ZFAND3: variants seen among roughly 807,000 people sequenced by gnomAD.
ZFAND3 encodes the protein zinc finger AN1-type containing 3, also known as AN1-type zinc finger protein 3.
In ZFAND3, 10 loss-of-function variants were observed where a neutral mutation model predicts 29.6. The ratio of observed to expected loss-of-function variants is 0.34; its 90% CI spans 0.21 to 0.57. ZFAND3 has a LOEUF of 0.57. ZFAND3 is among the 20% of genes least tolerant of loss of function. The pLI is 0.86. For missense variants in ZFAND3, 230 were observed against 304.5 expected, an observed-to-expected ratio of 0.76 and a Z score of 1.82; for synonymous variants, 128 against 112.6, an observed-to-expected ratio of 1.14 and a Z score of -0.87.
intron 1 of ZFAND3, among the ~76,000 whole-genome samples, chr6:37,929,047 G>T (rs1761543347): frequency 6.6e-6 from 1 of 152,192 alleles, no homozygotes; most frequent in African/African-American, 2.4e-5. Context: ...GTTGAATAAT[G>T]CCTTGGCAGA....
intron 2 of ZFAND3, among the ~76,000 whole-genome samples, chr6:38,001,716 C>T (rs1762951233): frequency 6.6e-6 from 1 of 151,974 alleles, no homozygotes; most frequent in Non-Finnish European, 1.5e-5. Context: ...CTGGTTTATT[C>T]AGCTTGGAAA....
intron 5 of ZFAND3, among the ~76,000 whole-genome samples, chr6:38,128,647 T>A (rs11965148): frequency 0.021 from 3,137 of 151,598 alleles, 97 homozygotes; most frequent in African/African-American, 0.073. Flanking sequence ...TCCAGGTTGC[T>A]GCAAATGCCA....
intron 1 of ZFAND3, among the ~76,000 whole-genome samples, chr6:37,890,835 A>C (rs977211706): frequency 2.0e-5 from 3 of 152,250 alleles, no homozygotes; most frequent in African/African-American, 7.2e-5. Context: ...TTTTATTTTG[A>C]AACAATTTAA....
chr6:38,010,896 C>T (rs538388070), intron 2 of ZFAND3, among the ~76,000 whole-genome samples: 57 of 150,196 alleles, frequency 3.8e-4, no homozygotes, highest in Admixed American at 1.7e-3. Context: ...CCACTGCGCC[C>T]GGCCCAACTT....
chr6:37,953,246 T>C (rs766171544), intron 2 of ZFAND3, among the ~76,000 whole-genome samples: 41 of 152,050 alleles, frequency 2.7e-4, no homozygotes, highest in Non-Finnish European at 5.0e-4. Context: ...TTTTTAATGA[T>C]TCTAATGTAT....
At chr6:37,971,322 T>C (rs943387141) in intron 2 of ZFAND3, among the ~76,000 whole-genome samples, 1 of 152,224 alleles carries the variant, frequency 6.6e-6, no homozygotes, top group Non-Finnish European at 1.5e-5. Context: ...TGTGTATCTT[T>C]GCAGGCGAAT....
At chr6:38,073,800 A>G (rs1165944799) in intron 3 of ZFAND3, among the ~76,000 whole-genome samples, 1 of 152,216 alleles carries the variant, frequency 6.6e-6, no homozygotes, top group Non-Finnish European at 1.5e-5. Context: ...CTAAAATTGA[A>G]CATATTTAAC....
At chr6:37,930,990 G>C (rs1212419095) in intron 2 of ZFAND3, among the ~76,000 whole-genome samples, 1 of 150,588 alleles carries the variant, frequency 6.6e-6, no homozygotes, top group East Asian at 1.9e-4. Context: ...GGACTTGGCA[G>C]GGTGGATAAA....
At chr6:38,031,891 G>C (rs979782286) in intron 2 of ZFAND3, among the ~76,000 whole-genome samples, 1 of 150,444 alleles carries the variant, frequency 6.6e-6, no homozygotes, top group Non-Finnish European at 1.5e-5. Context: ...CCTTGCAGTG[G>C]TGTCATCATA....
chr6:38,121,043 C>A (rs1396087550), intron 5 of ZFAND3, among the ~76,000 whole-genome samples: 1 of 152,186 alleles, frequency 6.6e-6, no homozygotes, highest in Non-Finnish European at 1.5e-5. Flanking sequence ...AGCTTACAGT[C>A]TAAATCTGTG....
chr6:37,978,358 T>C (rs927566887), intron 2 of ZFAND3, among the ~76,000 whole-genome samples: 11 of 152,198 alleles, frequency 7.2e-5, no homozygotes, highest in East Asian at 1.9e-4. Flanking sequence ...AATTTTTGCA[T>C]CTACATTTCA....
intron 2 of ZFAND3, among the ~76,000 whole-genome samples, chr6:37,958,064 CAATT>C (rs1274337313): frequency 2.0e-4 from 30 of 152,114 alleles, no homozygotes; most frequent in Admixed American, 3.3e-4. Flanking sequence ...TATGGACAGA[CAATT>C]AGTCATAAAA....
intron 2 of ZFAND3, among the ~76,000 whole-genome samples, chr6:37,949,343 ACT>A (rs1180605709): frequency 1.3e-5 from 2 of 151,442 alleles, no homozygotes; most frequent in Admixed American, 1.3e-4. Flanking sequence ...TGTGGGGAAA[ACT>A]CTGTGTTTTT....
At chr6:38,066,680 T>TA (rs1211576383) in intron 3 of ZFAND3, among the ~76,000 whole-genome samples, 1 of 152,228 alleles carries the variant, frequency 6.6e-6, no homozygotes, top group Non-Finnish European at 1.5e-5. Flanking sequence ...TTCACCTTCT[T>TA]ACTATCAACA....
At chr6:38,023,118 A>G (rs113404035) in intron 2 of ZFAND3, among the ~76,000 whole-genome samples, 7 of 152,354 alleles carry the variant, frequency 4.6e-5, no homozygotes, top group African/African-American at 1.7e-4. Flanking sequence ...ATACCTTTCA[A>G]TACACTCTAA....
intron 1 of ZFAND3, among the ~76,000 whole-genome samples, chr6:37,843,528 A>G (rs552462775): frequency 6.6e-6 from 1 of 152,110 alleles, no homozygotes; most frequent in African/African-American, 2.4e-5. Flanking sequence ...CTTGTTATAC[A>G]GTTTTGTAAA....
At chr6:38,084,911 T>G (rs1433693656) in intron 4 of ZFAND3, among the ~76,000 whole-genome samples, 2 of 152,204 alleles carry the variant, frequency 1.3e-5, no homozygotes, top group Non-Finnish European at 2.9e-5. Context: ...GACTGTTCTG[T>G]GCCCTCTTAG....
chr6:38,141,388 G>C (rs1050370421), intron 5 of ZFAND3, among the ~76,000 whole-genome samples: 5 of 152,202 alleles, frequency 3.3e-5, no homozygotes, highest in African/African-American at 1.2e-4. Flanking sequence ...ACAGAGGCTT[G>C]CAGAATACTC....
At chr6:38,045,054 T>TTTATTTATTTATTTATTTA (rs1763869687) in intron 2 of ZFAND3, among the ~76,000 whole-genome samples, 2 of 134,738 alleles carry the variant, frequency 1.5e-5, no homozygotes, top group African/African-American at 2.7e-5. Flanking sequence ...GTGGAAATTC[T>TTTATTTATTTATTTATTTA]TTTATTTATT....
Sources: allele counts gnomAD v4.1 joint callset (sites outside exome capture counted in the v4.1 genomes callset), GRCh38; gene constraint gnomAD v4.1.1; transcripts MANE v1.5; gene names NCBI Gene and HGNC (gene_info 2026-07-23, HGNC 2026-07-21).